EFCAB13: variants seen among roughly 807,000 people sequenced by gnomAD.
EFCAB13 encodes the protein EF-hand calcium binding domain 13, also known as EF-hand calcium-binding domain-containing protein 13.
EFCAB13 carries 91 observed loss-of-function variants against 110.2 expected under a neutral mutation model. The ratio of observed to expected loss-of-function variants is 0.83; its 90% confidence interval spans 0.70 to 0.98. The LOEUF is 0.98. Among genes scored for constraint, EFCAB13 ranks in the 50% least tolerant of loss-of-function variants. The probability of loss-of-function intolerance (pLI) is 0.00; values close to 1 mark genes in which losing one functional copy is unlikely to be tolerated. For missense variants in EFCAB13, 968 were observed against 1,119.4 expected (o/e 0.86, Z 1.93); for synonymous variants, 323 against 369.9 (o/e 0.87, Z 1.45).
chr17:47,343,902 A>G (rs2065399884), intron 6 of EFCAB13, among the ~76,000 whole-genome samples: 1 of 152,082 alleles, frequency 6.6e-6, no homozygotes, highest in Non-Finnish European at 1.5e-5. Flanking sequence ...ACCCATTACT[A>G]TATAGTTACC....
intron 8 of EFCAB13, 124 bp downstream of exon 8, chr17:47,345,222 G>A: frequency 1.6e-6 from 1 of 620,914 alleles, no homozygotes; most frequent in Non-Finnish European, 2.7e-6. Context: ...GATAATACAT[G>A]GTATGGCAAA....
intron 5 of EFCAB13, among the ~76,000 whole-genome samples, chr17:47,338,425 T>C (rs1466187721): frequency 6.6e-6 from 1 of 151,892 alleles, no homozygotes; most frequent in Non-Finnish European, 1.5e-5. Context: ...AATTTTTAAA[T>C]TTTTTGGAGA....
intron 24 of EFCAB13, among the ~76,000 whole-genome samples, chr17:47,432,030 C>T (rs527609806): frequency 6.6e-5 from 10 of 151,770 alleles, no homozygotes; most frequent in South Asian, 4.2e-4. Flanking sequence ...CTGAGGCAGG[C>T]GGATCACTTG....
At chr17:47,392,151 G>A (rs2065711790) in intron 15 of EFCAB13, among the ~76,000 whole-genome samples, 1 of 151,902 alleles carries the variant, frequency 6.6e-6, no homozygotes, top group Non-Finnish European at 1.5e-5. Context: ...ATTCTATTTT[G>A]TGTATATTTA....
intron 8 of EFCAB13, 150 bp from the exon 9 acceptor site, chr17:47,347,658 A>G: frequency 2.1e-6 from 1 of 480,266 alleles, no homozygotes; most frequent in East Asian, 3.6e-5. Context: ...AAAAGATTGA[A>G]GAGGGTGGGG....
At chr17:47,359,871 C>T (rs935992897) in intron 9 of EFCAB13, among the ~76,000 whole-genome samples, 44 of 142,608 alleles carry the variant, frequency 3.1e-4, no homozygotes, top group Non-Finnish European at 4.5e-4. Flanking sequence ...TGAGAACATG[C>T]GGTGTTTGGT....
intron 10 of EFCAB13, among the ~76,000 whole-genome samples, chr17:47,363,174 A>G (rs1218393828): frequency 6.6e-6 from 1 of 152,106 alleles, no homozygotes; most frequent in Non-Finnish European, 1.5e-5. Flanking sequence ...TAGGCTCAAT[A>G]ATCCTCCCAC....
At chr17:47,333,967 G>GA (rs1481237383) in intron 4 of EFCAB13, among the ~76,000 whole-genome samples, 1 of 152,046 alleles carries the variant, frequency 6.6e-6, no homozygotes, top group Non-Finnish European at 1.5e-5. Context: ...TTATTTCTGT[G>GA]AAAAATGACA....
chr17:47,411,017 A>T (rs182897964), intron 21 of EFCAB13, among the ~76,000 whole-genome samples: 7 of 152,256 alleles, frequency 4.6e-5, no homozygotes, highest in African/African-American at 1.7e-4. Flanking sequence ...GCCAAGGAAT[A>T]TGTCTCCTCT....
chr17:47,350,347 T>C (rs950875893), intron 9 of EFCAB13, among the ~76,000 whole-genome samples: 4 of 152,208 alleles, frequency 2.6e-5, no homozygotes, highest in African/African-American at 9.6e-5. Context: ...ACTGCTAGAC[T>C]AATTCTCTTA....
At chr17:47,339,578 C>T (rs1183195240) in intron 5 of EFCAB13, among the ~76,000 whole-genome samples, 1 of 151,656 alleles carries the variant, frequency 6.6e-6, no homozygotes, top group Admixed American at 6.6e-5. Flanking sequence ...ACTGTGCAGA[C>T]GAGTTTTGGT....
chr17:47,371,062 G>GA (rs2065581268), intron 11 of EFCAB13, among the ~76,000 whole-genome samples: 2 of 108,994 alleles, frequency 1.8e-5, no homozygotes, highest in Non-Finnish European at 3.7e-5. Flanking sequence ...TTTAATGGTT[G>GA]TTTTTTTTTT....
At chr17:47,351,344 C>A (rs1185422919) in intron 9 of EFCAB13, among the ~76,000 whole-genome samples, 1 of 122,676 alleles carries the variant, frequency 8.2e-6, no homozygotes, top group African/African-American at 3.5e-5. Context: ...TTTCTTTATC[C>A]AGTCATCCAT....
chr17:47,332,290 T>G (rs576681242), intron 4 of EFCAB13, among the ~76,000 whole-genome samples: 162 of 152,278 alleles, frequency 1.1e-3, no homozygotes, highest in Non-Finnish European at 1.7e-3. Context: ...ATTATTATTT[T>G]AGATTGACAA....
At chr17:47,389,664 C>T (rs1457712268) in intron 14 of EFCAB13, among the ~76,000 whole-genome samples, 2 of 149,476 alleles carry the variant, frequency 1.3e-5, no homozygotes, top group East Asian at 4.0e-4. Flanking sequence ...AACTCATTCT[C>T]TTCTTTTACC....
intron 14 of EFCAB13, among the ~76,000 whole-genome samples, chr17:47,383,539 C>T (rs1354584871): frequency 3.3e-5 from 5 of 152,074 alleles, no homozygotes; most frequent in Non-Finnish European, 7.4e-5. Context: ...CATTATTTAC[C>T]CAGTAGTCAT....
intron 5 of EFCAB13, among the ~76,000 whole-genome samples, chr17:47,339,671 G>T (rs2065372300): frequency 6.8e-6 from 1 of 146,062 alleles, no homozygotes; most frequent in Non-Finnish European, 1.5e-5. Context: ...TGTGCTTTTA[G>T]CCTGGGCAAC....
At chr17:47,350,129 A>G (rs2065441461) in intron 9 of EFCAB13, among the ~76,000 whole-genome samples, 3 of 152,168 alleles carry the variant, frequency 2.0e-5, no homozygotes, top group Admixed American at 2.0e-4. Context: ...CTTCAAAAGT[A>G]TAGAAGATAA....
At chr17:47,403,768 A>G (rs1159418064) in intron 18 of EFCAB13, 110 bp from the exon 19 acceptor site, 5 of 931,072 alleles carry the variant, frequency 5.4e-6, no homozygotes, top group Non-Finnish European at 7.3e-6. Context: ...TCTCTCTGAG[A>G]TTTCTTATTC....
Sources: gnomAD v4.1 joint callset for allele counts (sites outside exome capture counted in the v4.1 genomes callset) on GRCh38, gnomAD v4.1.1 for gene constraint, MANE v1.5 for transcripts, NCBI Gene and HGNC (gene_info 2026-07-23, HGNC 2026-07-21) for gene names.